Variants in UBXN11 observed in about 807,000 individuals in gnomAD.
UBXN11 encodes the protein UBX domain-containing protein 11.
UBXN11 carries 47 observed loss-of-function variants against 62.8 expected under a neutral mutation model. That is an observed-to-expected ratio of 0.75 (90% confidence interval 0.59 to 0.95). The LOEUF (loss-of-function observed/expected upper bound fraction) is 0.95, where lower values mean the gene tolerates loss of function less well. Among genes scored for constraint, UBXN11 ranks in the 40% least tolerant of loss-of-function variants. The pLI, the probability that UBXN11 is intolerant of heterozygous loss-of-function variation, is 0.00. For missense variants in UBXN11, 638 were observed against 661.7 expected (o/e 0.96, Z 0.39); for synonymous variants, 294 against 267.0 (o/e 1.10, Z -0.99).
chr1:26,295,509 G>C (rs2073370808), intron 7 of UBXN11, among the ~76,000 whole-genome samples: 1 of 152,072 alleles, frequency 6.6e-6, no homozygotes, highest in Non-Finnish European at 1.5e-5. Context: ...GCTCCAATGT[G>C]ATAAGGCCCC....
At chr1:26,298,780 GAAAAAA>G (rs11368453) in intron 4 of UBXN11, among the ~76,000 whole-genome samples, 3 of 61,716 alleles carry the variant, frequency 4.9e-5, no homozygotes, top group African/African-American at 1.1e-4. Flanking sequence ...CTCTGTCTCA[GAAAAAA>G]AAAAAAAAAA....
Position 26,297,976 on chromosome 1 carries a change from C to T in UBXN11, c.286G>A (p.Glu96Lys), listed in dbSNP as rs201604792. ...LEQQVKAQTD[E>K]ILSKDQKIAA... ...TGGAGCCCCACCTTGGACAGTATCTCATCAGTCTGGGCCTTCACCTGCTGC... is the reference window on the plus strand; with the variant it reads ...TGGAGCCCCACCTTGGACAGTATCTTATCAGTCTGGGCCTTCACCTGCTGC... Residue 96 changes from glutamate to lysine, a missense_variant, in exon 5 of 15, where the codon GAG becomes AAG. Glu to Lys is a moderately conservative substitution (Grantham distance 56). Coordinates refer to ENST00000374222, the MANE Select transcript of UBXN11 (RefSeq NM_001389556.1). 9 of 1,613,754 alleles carry T rather than the reference C, an allele frequency of 5.6e-6. No homozygotes were observed. The highest frequency in any genetic ancestry group is 2.7e-5 in the African/African-American group (2 of 74,942).
intron 1 of UBXN11, among the ~76,000 whole-genome samples, chr1:26,317,182 A>G (rs546056951): frequency 2.5e-4 from 38 of 152,164 alleles, no homozygotes; most frequent in African/African-American, 9.2e-4. Flanking sequence ...TGGAGGTTGC[A>G]GTAAGCCGAG....
rs963083073 is a variant in UBXN11 at position 26,298,001 on chromosome 1, C to T, written c.261G>A (p.Glu87=). Residue 87 remains glutamate (E), a synonymous_variant, in exon 5 of 15, where the codon GAG becomes GAA. Transcript: ENST00000374222. ...CATCAGTCTGGGCCTTCACCTGCTG[C>T]TCCAGGTCCCACAACTTCCTCGTCA... ...AFMTRKLWDL[E]QQVKAQTDEI... The T allele has an allele frequency of 1.9e-6, 3 of 1,614,054 alleles. No individual in the cohort carries two copies.
At chr1:26,306,767 T>C (rs530283155), upstream of UBXN11, 1 of 139,114 alleles carries the variant, frequency 7.2e-6, no homozygotes, top group East Asian at 2.2e-4. Context: ...ACAGAGTCGG[T>C]ATTCTTCGCG....
chr1:26,308,856 G>A (rs1016737113), upstream of UBXN11, among the ~76,000 whole-genome samples: 4 of 151,742 alleles, frequency 2.6e-5, no homozygotes, highest in South Asian at 2.1e-4. Flanking sequence ...TGTAGATTCC[G>A]CAGCAGGCAG....
intron 1 of UBXN11, 142 bp downstream of exon 1, chr1:26,306,450 C>T (rs921323210): frequency 5.3e-5 from 8 of 152,216 alleles, no homozygotes; most frequent in African/African-American, 1.2e-4. Context: ...GCCGTGTCGC[C>T]TCCTTCCGCC....
intron 7 of UBXN11, among the ~76,000 whole-genome samples, chr1:26,295,962 G>A (rs967681455): frequency 2.0e-5 from 3 of 152,374 alleles, no homozygotes; most frequent in South Asian, 2.1e-4. Flanking sequence ...AGCCCTCACC[G>A]CCTGTGGCCA....
At chr1:26,290,205 A>G (rs1298270439) in intron 8 of UBXN11, among the ~76,000 whole-genome samples, 1 of 152,202 alleles carries the variant, frequency 6.6e-6, no homozygotes, top group Non-Finnish European at 1.5e-5. Flanking sequence ...ACCCTTGCCC[A>G]TGTGCCAAGC....
intron 4 of UBXN11, among the ~76,000 whole-genome samples, chr1:26,299,810 G>A (rs1043897046): frequency 4.6e-5 from 7 of 152,012 alleles, no homozygotes; most frequent in Non-Finnish European, 1.0e-4. Context: ...CTTTCAAAGA[G>A]AGAACCTGGT....
chr1:26,296,344 G>A (rs2073391705), intron 7 of UBXN11, among the ~76,000 whole-genome samples: 1 of 152,224 alleles, frequency 6.6e-6, no homozygotes, highest in African/African-American at 2.4e-5. Flanking sequence ...TGCTCCCTCC[G>A]TCGTGGAGTT....
chr1:26,298,649 G>A (rs557582127), intron 4 of UBXN11, among the ~76,000 whole-genome samples: 24 of 151,986 alleles, frequency 1.6e-4, no homozygotes, highest in African/African-American at 4.6e-4. Context: ...AAAATCAGCC[G>A]GGCGTGGTGG....
chr1:26,292,651 T>C (rs1236158239), intron 8 of UBXN11, among the ~76,000 whole-genome samples: 9 of 151,952 alleles, frequency 5.9e-5, no homozygotes, highest in African/African-American at 1.9e-4. Flanking sequence ...GTTAGGAGTT[T>C]GAGACCAGCC....
chr1:26,284,116 G>C (rs952867361), intron 12 of UBXN11, 26 bp downstream of exon 12: 2 of 1,566,626 alleles, frequency 1.3e-6, no homozygotes, highest in African/African-American at 2.7e-5. Flanking sequence ...CCCCAGGAGG[G>C]CTGGGGGAGT....
At chr1:26,295,804 C>CGGG (rs2073377969) in intron 7 of UBXN11, among the ~76,000 whole-genome samples, 1 of 152,222 alleles carries the variant, frequency 6.6e-6, no homozygotes, top group Non-Finnish European at 1.5e-5. Context: ...CTCATGCAGG[C>CGGG]GGGGGACTAT....
At chr1:26,297,858 A>T in intron 5 of UBXN11, 104 bp downstream of exon 5, 1 of 1,268,186 alleles carries the variant, frequency 7.9e-7, no homozygotes, top group Non-Finnish European at 1.1e-6. Flanking sequence ...TCAGTGTGGT[A>T]GACGGTTCTA....
chr1:26,282,619 T>C, intron 14 of UBXN11, 30 bp downstream of exon 14: 1 of 1,613,256 alleles, frequency 6.2e-7, no homozygotes, highest in Non-Finnish European at 8.5e-7. Flanking sequence ...CCAGAGCCCC[T>C]CTGTGGCCCT....
chr1:26,300,801 G>A, intron 4 of UBXN11, 125 bp downstream of exon 4: 1 of 1,490,416 alleles, frequency 6.7e-7, no homozygotes, highest in South Asian at 1.3e-5. Flanking sequence ...CAATCAGCCA[G>A]GAGTGGAAGC....
Position 26,282,735 on chromosome 1 carries a change from C to T in UBXN11, c.1206G>A (p.Lys402=), listed in dbSNP as rs781138685. The T allele has an allele frequency of 7.2e-5, 116 of 1,614,088 alleles. No individual in the cohort carries two copies. The highest frequency in any genetic ancestry group is 8.4e-5 in the Non-Finnish European group (99 of 1,180,052). ...PAPPLSMLRI[K]SENGEQAFLL... Reference sequence around the variant, plus strand: ...GGAAGGCCTGTTCCCCATTCTCAGACTTGATGCGCAGCATGGAGAGCGGGG... The same window carrying T: ...GGAAGGCCTGTTCCCCATTCTCAGATTTGATGCGCAGCATGGAGAGCGGGG... The change falls in exon 14 of 15, where the codon AAG becomes AAA. Residue 402 remains lysine, a synonymous_variant. Coordinates refer to ENST00000374222, the MANE Select transcript of UBXN11 (RefSeq NM_001389556.1).
Sources: allele counts gnomAD v4.1 joint callset (sites outside exome capture counted in the v4.1 genomes callset), GRCh38; gene constraint gnomAD v4.1.1; transcripts MANE v1.5; gene names NCBI Gene and HGNC (gene_info 2026-07-23, HGNC 2026-07-21).